The following EDN1 variants were observed in gnomAD, a reference collection of about 807,000 sequenced individuals.
EDN1 encodes the protein endothelin 1.
Under a neutral mutation model 21.7 loss-of-function variants are expected in EDN1, and 11 were observed. The ratio of observed to expected loss-of-function variants is 0.51; its 90% CI spans 0.32 to 0.84. The LOEUF (loss-of-function observed/expected upper bound fraction) is 0.84. Ranked by LOEUF, EDN1 falls within the 40% of genes least tolerant of loss-of-function variation. The pLI is 0.03. For synonymous variants in EDN1, 85 were observed against 90.6 expected (o/e 0.94, Z 0.35); for missense variants, 244 against 262.3 (o/e 0.93, Z 0.48).
At chr6:12,242,642 G>T in the EDN1 span, among the ~76,000 whole-genome samples, 1 of 152,056 alleles carries the variant, frequency 6.6e-6, no homozygotes, top group Non-Finnish European at 1.5e-5. Flanking sequence ...ACACTGGGAT[G>T]AGGTAGATCC....
chr6:12,267,412 G>A, the EDN1 span, among the ~76,000 whole-genome samples: 1 of 152,152 alleles, frequency 6.6e-6, no homozygotes, highest in Non-Finnish European at 1.5e-5. Context: ...TTATAAGAAA[G>A]CAAAATGCCA....
At chr6:12,251,346 A>G in the EDN1 span, among the ~76,000 whole-genome samples, 2 of 152,228 alleles carry the variant, frequency 1.3e-5, no homozygotes, top group Non-Finnish European at 2.9e-5. Flanking sequence ...AAAGCAAGTA[A>G]AGCCAGTTGG....
At chr6:12,275,114 C>T in the EDN1 span, among the ~76,000 whole-genome samples, 2 of 151,900 alleles carry the variant, frequency 1.3e-5, no homozygotes, top group Non-Finnish European at 2.9e-5. Context: ...AGACATTATG[C>T]AACCTCAAAA....
the EDN1 span, among the ~76,000 whole-genome samples, chr6:12,270,565 T>TCA: frequency 1.3e-5 from 2 of 152,174 alleles, no homozygotes; most frequent in Admixed American, 1.3e-4. Flanking sequence ...GTTTAATTTC[T>TCA]ATATATTTGT....
chr6:12,294,358 G>A lies in EDN1; in HGVS notation c.487G>A (p.Gly163Arg), dbSNP rs756265142. 53 of 1,614,018 alleles carry A rather than the reference G, an allele frequency of 3.3e-5. No individual in the cohort carries two copies. The highest frequency in any genetic ancestry group is 4.4e-5 in the Non-Finnish European group (52 of 1,180,034). The change falls in exon 4 of 5, where the codon GGA (glycine) becomes AGA (arginine). Residue 163 changes from glycine to arginine, a missense_variant. By Grantham distance (125) the Gly-to-Arg change is moderately radical (BLOSUM62 -2). Coordinates refer to ENST00000379375, the MANE Select transcript of EDN1 (RefSeq NM_001955.5). ...KKCIYQQLVR[G>R]RKIRRSSEEH... ...GTGTATTTATCAGCAGTTAGTGAGA[G>A]GAAGAAAAATCAGAAGAAGTTCAGA...
At position 12,296,170 on chromosome 6, in the gene EDN1, C is replaced by A; in HGVS notation, c.*103C>A. ...GGGATCAGAGCAGGAGCATCCTCTG[C>A]TGGTTCCTGACTGGCAAAGGACCAG... On this transcript the variant is annotated 3_prime_UTR_variant, in exon 5 of 5. Transcript: ENST00000379375. 1 of 1,049,154 alleles carries A rather than the reference C, an allele frequency of 9.5e-7. No individual in the cohort carries two copies. Among genetic ancestry groups the A allele is most frequent in the Non-Finnish European group, 1.5e-6 (1 of 670,786 alleles). The allele number at this position is 1,049,154 out of a possible 1,614,324, so 65.0% of individuals were successfully genotyped here.
the EDN1 span, among the ~76,000 whole-genome samples, chr6:12,238,841 G>A: frequency 6.6e-6 from 1 of 152,310 alleles, no homozygotes; most frequent in African/African-American, 2.4e-5. Context: ...TCCCAGTGAA[G>A]ATGAATTAGA....
At chr6:12,254,110 C>T in the EDN1 span, among the ~76,000 whole-genome samples, 1 of 152,108 alleles carries the variant, frequency 6.6e-6, no homozygotes, top group East Asian at 1.9e-4. Flanking sequence ...TGTAAAACAC[C>T]TTTGGCATCC....
chr6:12,273,592 T>A, the EDN1 span, among the ~76,000 whole-genome samples: 1 of 150,018 alleles, frequency 6.7e-6, no homozygotes, highest in Non-Finnish European at 1.5e-5. Flanking sequence ...TGCACTAGAA[T>A]TGTAGGCAGG....
the EDN1 span, among the ~76,000 whole-genome samples, chr6:12,267,173 A>AT: frequency 1.3e-5 from 2 of 152,066 alleles, no homozygotes; most frequent in East Asian, 1.9e-4. Context: ...TATTGGCACC[A>AT]TTTTTCCAAC....
rs917141686 is a variant in EDN1 at position 12,294,421 on chromosome 6, A to C, written c.533+17A>C. On this transcript the variant is annotated intron_variant, in intron 4 of 4. Coordinates refer to ENST00000379375, the MANE Select transcript of EDN1 (RefSeq NM_001955.5). The stretch of plus-strand genomic sequence containing the variant: ...ACAAACCAGGTAAGAGGGAAGGAAG[A>C]AAAATTAGGTAAGAGGTTCACAAGA... 6.2e-7 allele frequency: 1 copy of C among 1,613,672 alleles called. No homozygotes were observed. Among genetic ancestry groups the C allele is most frequent in the Non-Finnish European group, 8.5e-7 (1 of 1,179,864 alleles).
the EDN1 span, among the ~76,000 whole-genome samples, chr6:12,244,370 T>C: frequency 6.6e-6 from 1 of 152,236 alleles, no homozygotes; most frequent in Non-Finnish European, 1.5e-5. Context: ...CATTTGTTAC[T>C]ATCACTGATC....
upstream of EDN1, among the ~76,000 whole-genome samples, chr6:12,288,322 C>A (rs1029005831): frequency 2.0e-5 from 3 of 151,962 alleles, no homozygotes; most frequent in Admixed American, 1.3e-4. Flanking sequence ...GGGGGGGAGG[C>A]GCTGCTTGGA....
At chr6:12,235,700 CA>C in the EDN1 span, among the ~76,000 whole-genome samples, 1 of 152,232 alleles carries the variant, frequency 6.6e-6, no homozygotes, top group African/African-American at 2.4e-5. Context: ...AGCTGTCCAA[CA>C]GAACTTTCCG....
At chr6:12,258,614 G>T in the EDN1 span, among the ~76,000 whole-genome samples, 1 of 152,084 alleles carries the variant, frequency 6.6e-6, no homozygotes, top group African/African-American at 2.4e-5. Flanking sequence ...GAAAGTATTC[G>T]GAAAGCATCT....
chr6:12,273,072 T>A, the EDN1 span, among the ~76,000 whole-genome samples: 1 of 152,154 alleles, frequency 6.6e-6, no homozygotes, highest in Admixed American at 6.5e-5. Flanking sequence ...GTGACGACTC[T>A]ACAGACTTGC....
chr6:12,296,517 C>T lies in EDN1; in HGVS notation c.*450C>T. 1 of 158,926 alleles carries T rather than the reference C, an allele frequency of 6.3e-6. No homozygotes were observed. Among genetic ancestry groups the T allele is most frequent in the Admixed American group, 6.0e-5 (1 of 16,728 alleles). The allele number at this position is 158,926 out of a possible 1,614,324, so 9.8% of individuals were successfully genotyped here. ...AAGGAATGCACAAATTGAAAACACACTCAAAAGACAAACATGCAAGTAAAG... is the reference window on the plus strand; with the variant it reads ...AAGGAATGCACAAATTGAAAACACATTCAAAAGACAAACATGCAAGTAAAG... On this transcript the variant is annotated 3_prime_UTR_variant, in exon 5 of 5. Transcript: ENST00000379375.
upstream of EDN1, chr6:12,290,287 A>T (rs572006226): frequency 7.9e-5 from 26 of 330,764 alleles, no homozygotes; most frequent in East Asian, 1.8e-3. Flanking sequence ...CTGGGGCTGG[A>T]ATAAAGTCGG....
At chr6:12,282,922 T>TA in the EDN1 span, among the ~76,000 whole-genome samples, 5,347 of 152,230 alleles carry the variant, frequency 0.035, 106 homozygotes, top group South Asian at 0.056. Flanking sequence ...GAAATAGCAA[T>TA]ATCAATAAAT....
Sources: allele counts gnomAD v4.1 joint callset (sites outside exome capture counted in the v4.1 genomes callset), GRCh38; gene constraint gnomAD v4.1.1; transcripts MANE v1.5; gene names NCBI Gene and HGNC (gene_info 2026-07-23, HGNC 2026-07-21).